The following GRID2 variants were observed in gnomAD, a reference collection of about 807,000 sequenced individuals.
The protein encoded by GRID2 is glutamate ionotropic receptor delta type subunit 2.
GRID2 carries 33 observed loss-of-function variants against 114.8 expected under a neutral mutation model. The ratio of observed to expected loss-of-function variants is 0.29; its 90% CI spans 0.22 to 0.38. The LOEUF is 0.38. GRID2 is among the 10% of genes least tolerant of loss of function. The pLI is 1.00. For synonymous variants in GRID2, 505 were observed against 449.9 expected (o/e 1.12, Z -1.55); for missense variants, 1,184 against 1,257.7 (o/e 0.94, Z 0.89).
At chr4:92,752,147 A>G (rs1183637464) in intron 2 of GRID2, among the ~76,000 whole-genome samples, 1 of 152,216 alleles carries the variant, frequency 6.6e-6, no homozygotes, top group African/African-American at 2.4e-5. Context: ...AGATTTACAG[A>G]GCAGTATTCT....
At chr4:92,860,400 G>A (rs1455302051) in intron 2 of GRID2, among the ~76,000 whole-genome samples, 3 of 152,124 alleles carry the variant, frequency 2.0e-5, no homozygotes, top group Non-Finnish European at 4.4e-5. Context: ...TGTACTCAGA[G>A]CTTGGATTGT....
At chr4:92,744,864 T>A (rs534681610) in intron 2 of GRID2, among the ~76,000 whole-genome samples, 24 of 152,300 alleles carry the variant, frequency 1.6e-4, no homozygotes, top group Non-Finnish European at 3.2e-4. Context: ...GATTATGAAT[T>A]CTTTAAGATT....
At chr4:92,393,292 A>G (rs570781587) in intron 1 of GRID2, among the ~76,000 whole-genome samples, 7 of 152,302 alleles carry the variant, frequency 4.6e-5, no homozygotes, top group Non-Finnish European at 1.0e-4. Context: ...GGTGGGGACA[A>G]ATATTCAAGT....
intron 2 of GRID2, among the ~76,000 whole-genome samples, chr4:92,964,543 G>A (rs1049231110): frequency 2.9e-4 from 44 of 151,906 alleles, no homozygotes; most frequent in African/African-American, 9.9e-4. Context: ...AGAACTTAAA[G>A]TAAATTAAAA....
Position 93,252,550 on chromosome 4 carries a change from G to A in GRID2, c.1245+14060G>A, listed in dbSNP as rs542303563. On this transcript the variant is annotated intron_variant, in intron 8 of 15. Coordinates refer to ENST00000282020, the MANE Select transcript of GRID2 (RefSeq NM_001510.4). The stretch of plus-strand genomic sequence containing the variant: ...AGCTTAGGATTGTCTTGACCATTTG[G>A]CTCTTCTTTGGTTCCATAAAAATTT... Among the ~76,000 whole-genome samples, 14 of 151,950 alleles carry A rather than the reference G, an allele frequency of 9.2e-5. No homozygotes were observed. The South Asian group carries it at 2.9e-3, about 32-fold the overall frequency.
chr4:92,997,075 T>C (rs1755247541), intron 2 of GRID2, among the ~76,000 whole-genome samples: 1 of 152,230 alleles, frequency 6.6e-6, no homozygotes, highest in Admixed American at 6.5e-5. Flanking sequence ...TGACATCTTA[T>C]ATCTTTAAAA....
chr4:92,991,735 A>G (rs1040224949), intron 2 of GRID2, among the ~76,000 whole-genome samples: 6 of 152,180 alleles, frequency 3.9e-5, no homozygotes, highest in Non-Finnish European at 7.3e-5. Flanking sequence ...AACTAAATTT[A>G]AAACAACTAA....
intron 2 of GRID2, among the ~76,000 whole-genome samples, chr4:92,646,783 AT>A (rs1285048358): frequency 6.6e-6 from 1 of 152,236 alleles, no homozygotes. Context: ...ATTTTGTGAA[AT>A]TATTTCGTAT....
intron 2 of GRID2, among the ~76,000 whole-genome samples, chr4:92,703,302 A>C (rs570460739): frequency 6.6e-6 from 1 of 152,278 alleles, no homozygotes; most frequent in East Asian, 1.9e-4. Flanking sequence ...CAGATTTAGG[A>C]CCACTGTTGA....
intron 10 of GRID2, among the ~76,000 whole-genome samples, chr4:93,437,026 A>T (rs1721155881): frequency 6.6e-6 from 1 of 152,164 alleles, no homozygotes. Flanking sequence ...AATAAAGTAG[A>T]ACATCACCAG....
chr4:93,175,450 C>T (rs1265319896), intron 4 of GRID2, among the ~76,000 whole-genome samples: 5 of 152,146 alleles, frequency 3.3e-5, no homozygotes, highest in African/African-American at 9.7e-5. Context: ...GGATTACAGG[C>T]GTGGGCCACC....
chr4:93,002,679 T>A (rs1238002123), intron 2 of GRID2, among the ~76,000 whole-genome samples: 4 of 151,820 alleles, frequency 2.6e-5, no homozygotes, highest in Non-Finnish European at 4.4e-5. Flanking sequence ...AGATTCAGAG[T>A]TGATTTGTTC....
At chr4:93,123,871 A>C (rs945977148) in intron 4 of GRID2, among the ~76,000 whole-genome samples, 5 of 150,626 alleles carry the variant, frequency 3.3e-5, no homozygotes, top group African/African-American at 1.2e-4. Flanking sequence ...AAAATAATTA[A>C]ATTTTTATTG....
At chr4:92,668,740 C>T (rs1307398102) in intron 2 of GRID2, among the ~76,000 whole-genome samples, 3 of 151,812 alleles carry the variant, frequency 2.0e-5, no homozygotes, top group African/African-American at 7.2e-5. Context: ...TTCATAAAAT[C>T]ACTTTTACTA....
At chr4:92,560,303 C>T (rs1579581985) in intron 1 of GRID2, among the ~76,000 whole-genome samples, 1 of 152,132 alleles carries the variant, frequency 6.6e-6, no homozygotes, top group South Asian at 2.1e-4. Context: ...TTTCCCACCC[C>T]ACATACTTAG....
intron 2 of GRID2, among the ~76,000 whole-genome samples, chr4:92,621,696 G>C (rs62307908): frequency 0.056 from 8,437 of 151,804 alleles, 302 homozygotes; most frequent in East Asian, 0.16. Context: ...AAGGAACCAA[G>C]TAATTAAATT....
intron 4 of GRID2, among the ~76,000 whole-genome samples, chr4:93,118,973 G>C (rs1398042543): frequency 2.0e-5 from 3 of 152,170 alleles, no homozygotes. Context: ...TTTTATCAAA[G>C]AAATTGCTCA....
rs1278333644 is a variant in GRID2 at position 92,565,314 on chromosome 4, T to C, written c.89-24817T>C. Among the ~76,000 whole-genome samples, 5 of 152,030 alleles carry C rather than the reference T, an allele frequency of 3.3e-5. No homozygotes were observed. The East Asian group carries it at 9.6e-4, about 29-fold the overall frequency. ...AAACAATATAAACATTGTAAAAATA[T>C]GTGAATCAACACTGTCAATTCATAT... On this transcript the variant is annotated intron_variant, in intron 1 of 15. Coordinates refer to ENST00000282020, the MANE Select transcript of GRID2 (RefSeq NM_001510.4).
chr4:93,332,261 T>TGTGC (rs1444650768), intron 8 of GRID2, among the ~76,000 whole-genome samples: 17 of 104,276 alleles, frequency 1.6e-4, no homozygotes, highest in African/African-American at 3.2e-4. Flanking sequence ...AGTGTGTGTG[T>TGTGC]GTGTGCGTGT....
Sources: allele counts gnomAD v4.1 joint callset (sites outside exome capture counted in the v4.1 genomes callset), GRCh38; gene constraint gnomAD v4.1.1; transcripts MANE v1.5; gene names NCBI Gene and HGNC (gene_info 2026-07-23, HGNC 2026-07-21).